CLDN14: variants seen among roughly 807,000 people sequenced by gnomAD.
CLDN14 encodes the protein claudin-14.
A neutral mutation model predicts 2.1 loss-of-function variants in CLDN14; 2 were observed. The ratio of observed to expected loss-of-function variants is 0.96; its 90% CI spans 0.39 to 3.01. CLDN14 has a LOEUF of 3.01. Among genes scored for constraint, CLDN14 ranks in the 30% most tolerant of loss-of-function variants. CLDN14 has a pLI of 0.09. For missense variants in CLDN14, 298 were observed against 328.0 expected, an observed-to-expected ratio of 0.91 and a Z score of 0.71; for synonymous variants, 136 against 154.4, an observed-to-expected ratio of 0.88 and a Z score of 0.88.
chr21:36,517,576 G>T (rs775949438), intron 1 of CLDN14, among the ~76,000 whole-genome samples: 5 of 151,818 alleles, frequency 3.3e-5, no homozygotes, highest in African/African-American at 7.3e-5. Context: ...CACAGCTTTT[G>T]TTGCAATGAC....
At chr21:36,474,239 A>G (rs1250321006) in intron 1 of CLDN14, among the ~76,000 whole-genome samples, 1 of 152,202 alleles carries the variant, frequency 6.6e-6, no homozygotes, top group Non-Finnish European at 1.5e-5. Context: ...ATTTCCTTCA[A>G]TCCTGAATGT....
At chr21:36,535,297 C>T (rs761223540) in intron 1 of CLDN14, among the ~76,000 whole-genome samples, 14 of 151,810 alleles carry the variant, frequency 9.2e-5, no homozygotes, top group Non-Finnish European at 1.5e-4. Flanking sequence ...GGCTGAGGCA[C>T]GAGAATCACT....
chr21:36,467,552 G>A (rs1404850897), intron 1 of CLDN14, among the ~76,000 whole-genome samples: 1 of 151,922 alleles, frequency 6.6e-6, no homozygotes, highest in Admixed American at 6.6e-5. Flanking sequence ...TCTCACCATT[G>A]GTCCAAGTGA....
chr21:36,529,446 G>T (rs1039423764), intron 1 of CLDN14, among the ~76,000 whole-genome samples: 13 of 151,954 alleles, frequency 8.6e-5, no homozygotes, highest in Admixed American at 5.2e-4. Context: ...CCACCACTAC[G>T]CACAGCTAAT....
chr21:36,461,246 C>A lies in CLDN14; in HGVS notation c.450G>T (p.Pro150=), dbSNP rs746102559. ...TNDVVQNFYN[P]LLPSGMKFEI... Reference sequence around the variant, plus strand: ...CAAACTTCATGCCGCTGGGCAGCAGCGGGTTGTAGAAGTTCTGCACCACGT... The same window carrying A: ...CAAACTTCATGCCGCTGGGCAGCAGAGGGTTGTAGAAGTTCTGCACCACGT... The change falls in exon 2 of 2, where the codon CCG becomes CCT. Residue 150 remains proline, a synonymous_variant. Coordinates refer to ENST00000399135, the MANE Select transcript of CLDN14 (RefSeq NM_001146079.2). 3.0e-5 allele frequency: 49 copies of A among 1,613,822 alleles called. No individual in the cohort carries two copies. Among genetic ancestry groups the A allele is most frequent in the Non-Finnish European group, 2.5e-5 (29 of 1,180,022 alleles).
chr21:36,463,281 G>A (rs375897772), intron 1 of CLDN14, among the ~76,000 whole-genome samples: 92 of 152,338 alleles, frequency 6.0e-4, no homozygotes, highest in East Asian at 2.9e-3. Flanking sequence ...TCACTTCAGC[G>A]TCCCAAACCA....
intron 1 of CLDN14, chr21:36,477,549 T>C (rs2146443935): frequency 6.6e-6 from 1 of 152,336 alleles, no homozygotes; most frequent in Non-Finnish European, 1.5e-5. Flanking sequence ...TAGATGAGCA[T>C]GTGCACTTCC....
At chr21:36,556,483 G>T (rs1352288879) in intron 1 of CLDN14, among the ~76,000 whole-genome samples, 2 of 152,158 alleles carry the variant, frequency 1.3e-5, no homozygotes, top group Non-Finnish European at 2.9e-5. Flanking sequence ...CAACAGGTTT[G>T]GGGTGGAGGT....
At chr21:36,505,148 C>T (rs6517355) in intron 2 of CLDN14, among the ~76,000 whole-genome samples, 6,701 of 152,218 alleles carry the variant, frequency 0.044, 482 homozygotes, top group African/African-American at 0.15. Context: ...CAGAAATGGA[C>T]AGTAAGTATC....
At chr21:36,516,397 G>A (rs188999411) in intron 1 of CLDN14, among the ~76,000 whole-genome samples, 122 of 152,232 alleles carry the variant, frequency 8.0e-4, no homozygotes, top group African/African-American at 2.5e-3. Context: ...GAATACAAGC[G>A]ACCGTTAGAT....
intron 1 of CLDN14, among the ~76,000 whole-genome samples, chr21:36,537,231 TCTG>T (rs1256432346): frequency 6.6e-6 from 1 of 150,754 alleles, no homozygotes; most frequent in African/African-American, 2.4e-5. Context: ...CAAAAACAAA[TCTG>T]CAGAGAGAGA....
chr21:36,530,968 C>T (rs1442875972), intron 1 of CLDN14, among the ~76,000 whole-genome samples: 3 of 152,156 alleles, frequency 2.0e-5, no homozygotes, highest in Non-Finnish European at 4.4e-5. Context: ...AAGTGGCTCA[C>T]GCCTGTAATC....
At chr21:36,489,131 A>AAAAAAAATATATATATATAT in intron 2 of CLDN14, among the ~76,000 whole-genome samples, 5 of 62,748 alleles carry the variant, frequency 8.0e-5, no homozygotes, top group Non-Finnish European at 1.2e-4. Context: ...AAAAAAAAAA[A>AAAAAAAATATATATATATAT]ATATATATAT....
chr21:36,505,886 G>A (rs1810081778), intron 2 of CLDN14, among the ~76,000 whole-genome samples: 1 of 152,196 alleles, frequency 6.6e-6, no homozygotes, highest in Non-Finnish European at 1.5e-5. Context: ...GTAACTGTGA[G>A]CTGGCTTTTG....
At chr21:36,540,252 C>T (rs1481976266) in intron 1 of CLDN14, among the ~76,000 whole-genome samples, 12 of 152,024 alleles carry the variant, frequency 7.9e-5, no homozygotes, top group Admixed American at 7.9e-4. Context: ...TGCATGTGGC[C>T]AATGTACGTC....
chr21:36,524,243 C>T (rs2087304845), intron 1 of CLDN14, among the ~76,000 whole-genome samples: 1 of 152,240 alleles, frequency 6.6e-6, no homozygotes, highest in East Asian at 1.9e-4. Flanking sequence ...GCTCAGCCTC[C>T]CAAGTAGCTG....
intron 2 of CLDN14, among the ~76,000 whole-genome samples, chr21:36,495,266 T>A (rs1006720760): frequency 6.6e-6 from 1 of 152,038 alleles, no homozygotes; most frequent in African/African-American, 2.4e-5. Flanking sequence ...GAGGCGGAGG[T>A]TGCTGTGAGC....
rs555911451 is a variant in CLDN14 at position 36,461,361 on chromosome 21, G to A, written c.335C>T (p.Pro112Leu). ...MKCTRCAKGT[P>L]AKTTFAILGG... ...GAGGATGGCAAAGGTGGTCTTGGCGGGTGTGCCCTTGGCGCAGCGCGTGCA... is the reference window on the plus strand; with the variant it reads ...GAGGATGGCAAAGGTGGTCTTGGCGAGTGTGCCCTTGGCGCAGCGCGTGCA... The change falls in exon 2 of 2, where the codon CCC becomes CTC. Residue 112 changes from proline to leucine, a missense_variant. By Grantham distance (98) the Pro-to-Leu change is moderately conservative. Coordinates refer to ENST00000399135, the MANE Select transcript of CLDN14 (RefSeq NM_001146079.2). The A allele has an allele frequency of 5.6e-6, 9 of 1,613,260 alleles. No individual in the cohort carries two copies. Among genetic ancestry groups the A allele is most frequent in the Non-Finnish European group, 7.6e-6 (9 of 1,179,920 alleles).
rs543781128 is a variant in CLDN14, at chr21:36,520,155, T to C, written c.-219-9655A>G. 3.4e-5 allele frequency among the ~76,000 whole-genome samples: 5 copies of C among 145,568 alleles called. No homozygotes were observed. The South Asian group carries it at 9.2e-4, about 27-fold the overall frequency. On this transcript the variant is annotated intron_variant, in intron 1 of 2. Coordinates refer to the CLDN14 transcript ENST00000342108. ...CCTCCTCAGCCTGTCGCTGCATCTT[T>C]CTAATCTCTGCCTCTGCCTTCACAT...
Sources: gnomAD v4.1 joint callset for allele counts (sites outside exome capture counted in the v4.1 genomes callset) on GRCh38, gnomAD v4.1.1 for gene constraint, MANE v1.5 for transcripts, NCBI Gene and HGNC (gene_info 2026-07-23, HGNC 2026-07-21) for gene names.